CFAP70: variants seen among roughly 807,000 people sequenced by gnomAD.
The protein encoded by CFAP70 is cilia and flagella associated protein 70.
CFAP70 carries 81 observed loss-of-function variants against 137.6 expected under a neutral mutation model. That is an observed-to-expected ratio of 0.59 (90% CI 0.49 to 0.71). The LOEUF (loss-of-function observed/expected upper bound fraction) is 0.71, where lower values mean the gene tolerates loss of function less well. CFAP70 is among the 30% of genes least tolerant of loss of function. The pLI is 0.00. For missense variants in CFAP70, 976 were observed against 1,226.7 expected, an observed-to-expected ratio of 0.80 and a Z score of 3.05; for synonymous variants, 382 against 423.6, an observed-to-expected ratio of 0.90 and a Z score of 1.20.
intron 19 of CFAP70, among the ~76,000 whole-genome samples, chr10:73,287,859 CT>C (rs2047858800): frequency 6.7e-5 from 10 of 148,372 alleles, no homozygotes; most frequent in African/African-American, 2.5e-4. Flanking sequence ...TAACATCTAT[CT>C]ATCTATCTAT....
intron 4 of CFAP70, among the ~76,000 whole-genome samples, chr10:73,346,271 T>C (rs142182865): frequency 6.6e-6 from 1 of 152,274 alleles, no homozygotes; most frequent in African/African-American, 2.4e-5. Flanking sequence ...ATATTCCACA[T>C]ACATAGGTAT....
At chr10:73,260,064 T>C (rs2044994906) in intron 25 of CFAP70, among the ~76,000 whole-genome samples, 2 of 151,264 alleles carry the variant, frequency 1.3e-5, no homozygotes, top group South Asian at 4.2e-4. Flanking sequence ...AGATCTTAGA[T>C]TGTTAGGGCT....
At chr10:73,256,246 T>C (rs2044478910) in intron 26 of CFAP70, 123 bp downstream of exon 27, 10 of 1,085,110 alleles carry the variant, frequency 9.2e-6, no homozygotes, top group Admixed American at 2.2e-5. Context: ...ATGGCAAAGA[T>C]GGTAAGAAAA....
At chr10:73,261,648 C>T (rs1289913628) in intron 25 of CFAP70, among the ~76,000 whole-genome samples, 2 of 152,096 alleles carry the variant, frequency 1.3e-5, no homozygotes, top group Non-Finnish European at 1.5e-5. Context: ...GTGGGAGTTA[C>T]AATTCGAGAT....
chr10:73,277,584 G>A (rs143703818), intron 20 of CFAP70, among the ~76,000 whole-genome samples: 6,963 of 152,024 alleles, frequency 0.046, 488 homozygotes, highest in African/African-American at 0.15. Flanking sequence ...ATGGTGGAAC[G>A]TGCCTGTAAT....
intron 25 of CFAP70, among the ~76,000 whole-genome samples, chr10:73,258,230 G>A (rs749988736): frequency 2.6e-5 from 4 of 152,188 alleles, no homozygotes; most frequent in Non-Finnish European, 2.9e-5. Context: ...CGGAGGGACC[G>A]GCTGAAGCCA....
chr10:73,337,052 A>G (rs1343252433), intron 6 of CFAP70, among the ~76,000 whole-genome samples: 1 of 152,240 alleles, frequency 6.6e-6, no homozygotes, highest in Non-Finnish European at 1.5e-5. Flanking sequence ...AAAGTAAAAC[A>G]AAGCAAGTTG....
At chr10:73,320,778 C>T (rs1238844987) in intron 9 of CFAP70, among the ~76,000 whole-genome samples, 1 of 151,920 alleles carries the variant, frequency 6.6e-6, no homozygotes, top group Non-Finnish European at 1.5e-5. Context: ...AGCAATTCTC[C>T]TGCCTCAGCC....
intron 12 of CFAP70, among the ~76,000 whole-genome samples, chr10:73,302,579 C>T (rs1268398753): frequency 2.0e-5 from 3 of 152,192 alleles, no homozygotes; most frequent in East Asian, 1.9e-4. Flanking sequence ...TTTATACTCG[C>T]ACCAGCTTAT....
At chr10:73,265,491 C>T (rs1213856035) in intron 25 of CFAP70, among the ~76,000 whole-genome samples, 3 of 152,014 alleles carry the variant, frequency 2.0e-5, no homozygotes, top group Non-Finnish European at 1.5e-5. Context: ...TATTTTTATT[C>T]AGGGGCATAG....
intron 8 of CFAP70, among the ~76,000 whole-genome samples, chr10:73,325,564 C>A (rs1469774255): frequency 6.6e-6 from 1 of 152,056 alleles, no homozygotes; most frequent in African/African-American, 2.4e-5. Flanking sequence ...GAGTCAAGAC[C>A]CATCAGTGTG....
intron 15 of CFAP70, chr10:73,296,516 C>T (rs948426907): frequency 6.6e-6 from 1 of 152,322 alleles, no homozygotes; most frequent in East Asian, 1.9e-4. Flanking sequence ...TAAACTACCC[C>T]TGAATACAAA....
chr10:73,334,597 T>C (rs1487160187), intron 7 of CFAP70, among the ~76,000 whole-genome samples: 1 of 151,894 alleles, frequency 6.6e-6, no homozygotes, highest in Non-Finnish European at 1.5e-5. Context: ...TTTTTTTTTT[T>C]TGAGATGGAG....
chr10:73,319,822 T>G (rs1201630666), intron 9 of CFAP70, among the ~76,000 whole-genome samples: 2 of 152,232 alleles, frequency 1.3e-5, no homozygotes, highest in Non-Finnish European at 2.9e-5. Flanking sequence ...TCAAGTAAAA[T>G]GATAACTACC....
chr10:73,323,413 T>C (rs2051078193), intron 8 of CFAP70, among the ~76,000 whole-genome samples: 1 of 151,552 alleles, frequency 6.6e-6, no homozygotes, highest in South Asian at 2.1e-4. Context: ...AGATGGGTGA[T>C]TTCTGCATTT....
At chr10:73,332,562 G>A (rs2052222499) in intron 7 of CFAP70, among the ~76,000 whole-genome samples, 1 of 152,134 alleles carries the variant, frequency 6.6e-6, no homozygotes, top group African/African-American at 2.4e-5. Flanking sequence ...TATTTACTGA[G>A]ACGTAATCAC....
In CFAP70 at chr10:73,348,446, A is replaced by G. The variant is rs560043140; in HGVS notation, c.326T>C (p.Val109Ala). The G allele has an allele frequency of 3.8e-5, 60 of 1,573,006 alleles. 1 individual carries two copies. In the African/African-American group the frequency reaches 6.6e-4, roughly 17 times the overall value. Residue 109 changes from valine (V) to alanine (A), a missense_variant, in exon 4 of 27, where the codon GTG becomes GCG. Coordinates refer to ENST00000310715, the Ensembl canonical transcript of CFAP70. The stretch of plus-strand genomic sequence containing the variant: ...ACCTTCCAGTAAGGGAAGAAGGTCC[A>G]CCACAGCCTGACCAAGAATTAAGGT...
Position 73,348,913 on chromosome 10 carries a change from T to G in CFAP70, c.251-392A>C, listed in dbSNP as rs566913728. Among the ~76,000 whole-genome samples, 12 of 151,780 alleles carry G rather than the reference T, an allele frequency of 7.9e-5. No individual in the cohort carries two copies. The South Asian group carries it at 2.5e-3, about 32-fold the overall frequency. ...ACCTGCCTCTACTAAAAATACAAAA[T>G]TAGCCAGGCATAGTGGCCCATGCCT... is the stretch of plus-strand genomic sequence containing the variant. On this transcript the variant is annotated intron_variant, in intron 3 of 26. Transcript: ENST00000310715.
chr10:73,329,053 C>A (rs1322855996), intron 8 of CFAP70, among the ~76,000 whole-genome samples: 1 of 151,706 alleles, frequency 6.6e-6, no homozygotes, highest in Non-Finnish European at 1.5e-5. Context: ...ATGTTTATTG[C>A]GGCACTATTC....
Sources: allele counts gnomAD v4.1 joint callset (sites outside exome capture counted in the v4.1 genomes callset), GRCh38; gene constraint gnomAD v4.1.1; transcripts MANE v1.5; gene names NCBI Gene and HGNC (gene_info 2026-07-23, HGNC 2026-07-21).